MYO1H: variants seen among roughly 807,000 people sequenced by gnomAD.
The protein encoded by MYO1H is unconventional myosin-Ih.
Under a neutral mutation model 149.3 loss-of-function variants are expected in MYO1H, and 118 were observed. That is an observed-to-expected ratio of 0.79 (90% CI 0.68 to 0.92). The LOEUF (loss-of-function observed/expected upper bound fraction) is 0.92, where lower values mean the gene tolerates loss of function less well. Among genes scored for constraint, MYO1H ranks in the 40% least tolerant of loss-of-function variants. The pLI, the probability that MYO1H is intolerant of heterozygous loss-of-function variation, is 0.00. For missense variants in MYO1H, 1,212 were observed against 1,280.7 expected, an observed-to-expected ratio of 0.95 and a Z score of 0.82; for synonymous variants, 447 against 465.2, an observed-to-expected ratio of 0.96 and a Z score of 0.50.
intron 2 of MYO1H, among the ~76,000 whole-genome samples, chr12:109,392,730 G>A (rs1869708619): frequency 1.3e-5 from 2 of 151,616 alleles, no homozygotes; most frequent in South Asian, 4.2e-4. Context: ...AAAAGAAGAC[G>A]ACTTCCCCAT....
chr12:109,387,926 C>G (rs1217987042), intron 1 of MYO1H, among the ~76,000 whole-genome samples: 1 of 152,228 alleles, frequency 6.6e-6, no homozygotes, highest in African/African-American at 2.4e-5. Context: ...AAGGTCATGC[C>G]TGGTGCCTGC....
the MYO1H span, among the ~76,000 whole-genome samples, chr12:109,326,771 C>T: frequency 3.3e-5 from 5 of 151,970 alleles, no homozygotes; most frequent in Non-Finnish European, 5.9e-5. Flanking sequence ...TCATCCACCT[C>T]GGCCCCCAAA....
In MYO1H at chr12:109,409,907, T is replaced by TA. The variant is rs775284070; in HGVS notation, c.1224-49dup. The TA allele has an allele frequency of 6.2e-5, 65 of 1,043,038 alleles. No homozygotes were observed. The African/African-American group carries it at 7.5e-4, about 12-fold the overall frequency. 64.6% of individuals were successfully genotyped at this position (1,043,038 alleles called of 1,614,324 possible). ...ATGCCTAAAAAGAATATAATTTGTT[T>TA]AAAAAAATTGTTCTCTTCATATAAC... On this transcript the variant is annotated intron_variant, in intron 11 of 31. Coordinates refer to ENST00000310903, the Ensembl canonical transcript of MYO1H.
intron 21 of MYO1H, 86 bp downstream of exon 21, chr12:109,435,199 G>A: frequency 2.4e-6 from 2 of 845,348 alleles, no homozygotes; most frequent in Non-Finnish European, 3.8e-6. Context: ...ACGGGTGTTT[G>A]ATATAGTGTT....
chr12:109,339,181 A>G, the MYO1H span, among the ~76,000 whole-genome samples: 2 of 152,126 alleles, frequency 1.3e-5, no homozygotes, highest in African/African-American at 4.8e-5. Flanking sequence ...CCTGGCCAAC[A>G]TGGTGAAACA....
chr12:109,322,882 G>C, the MYO1H span, among the ~76,000 whole-genome samples: 5 of 150,596 alleles, frequency 3.3e-5, no homozygotes, highest in African/African-American at 4.9e-5. Flanking sequence ...GCCGAGGCAG[G>C]CAGATCACGA....
intron 19 of MYO1H, among the ~76,000 whole-genome samples, chr12:109,429,544 T>C (rs967873330): frequency 6.6e-6 from 1 of 152,228 alleles, no homozygotes; most frequent in African/African-American, 2.4e-5. Flanking sequence ...TGATTTAAAG[T>C]GTACAGGAAG....
the MYO1H span, among the ~76,000 whole-genome samples, chr12:109,338,765 CAAAAA>C: frequency 0.37 from 32,199 of 86,774 alleles, 4,112 homozygotes; most frequent in Middle Eastern, 0.44. Flanking sequence ...GACTCCATCT[CAAAAA>C]AAAAAAAAAA....
chr12:109,424,720 C>T (rs760214674), intron 16 of MYO1H, 28 bp from the exon 17 acceptor site: 2 of 1,585,020 alleles, frequency 1.3e-6, no homozygotes, highest in African/African-American at 1.3e-5. Context: ...AAACAGCGAA[C>T]GTGGTACTCA....
At chr12:109,412,659 G>A (rs1870724439) in intron 14 of MYO1H, among the ~76,000 whole-genome samples, 1 of 152,088 alleles carries the variant, frequency 6.6e-6, no homozygotes, top group African/African-American at 2.4e-5. Context: ...CAGATATAGA[G>A]TACCACATCC....
chr12:109,330,592 A>G, the MYO1H span, among the ~76,000 whole-genome samples: 1 of 152,112 alleles, frequency 6.6e-6, no homozygotes, highest in South Asian at 2.1e-4. Flanking sequence ...CCCCTGTCCC[A>G]ATTCGTATAT....
the MYO1H span, among the ~76,000 whole-genome samples, chr12:109,335,377 A>G: frequency 6.6e-6 from 1 of 152,112 alleles, no homozygotes; most frequent in African/African-American, 2.4e-5. Flanking sequence ...TGATGACAGC[A>G]CCAAGGGGGA....
chr12:109,400,738 A>G (rs1252041337), intron 5 of MYO1H, among the ~76,000 whole-genome samples: 2 of 152,216 alleles, frequency 1.3e-5, no homozygotes, highest in African/African-American at 4.8e-5. Flanking sequence ...AGAAAAGATC[A>G]TCTTTCCAAT....
chr12:109,340,613 A>G, the MYO1H span, among the ~76,000 whole-genome samples: 1 of 152,254 alleles, frequency 6.6e-6, no homozygotes, highest in East Asian at 1.9e-4. Flanking sequence ...AAAATCATAC[A>G]GTAAAAGAAA....
the MYO1H span, among the ~76,000 whole-genome samples, chr12:109,326,700 A>G: frequency 4.6e-5 from 7 of 151,544 alleles, no homozygotes; most frequent in Non-Finnish European, 7.4e-5. Flanking sequence ...TTGTATTTTT[A>G]GTAGACATGG....
chr12:109,379,703 A>T (rs1869160956), intron 1 of MYO1H, among the ~76,000 whole-genome samples: 1 of 152,078 alleles, frequency 6.6e-6, no homozygotes, highest in African/African-American at 2.4e-5. Flanking sequence ...TATATTTAAA[A>T]AAGAAACTGT....
At chr12:109,408,023 G>A in intron 10 of MYO1H, 110 bp downstream of exon 10, 6 of 1,360,196 alleles carry the variant, frequency 4.4e-6, no homozygotes, top group South Asian at 1.2e-5. Context: ...CGCCTCATGG[G>A]CAGAGATGGT....
chr12:109,364,468 G>A (rs1330635887), intron 1 of MYO1H, among the ~76,000 whole-genome samples: 1 of 152,050 alleles, frequency 6.6e-6, no homozygotes, highest in Non-Finnish European at 1.5e-5. Context: ...GGACTACTGG[G>A]CATGCACCAC....
upstream of MYO1H, among the ~76,000 whole-genome samples, chr12:109,343,685 C>T (rs1318492687): frequency 6.6e-6 from 1 of 152,064 alleles, no homozygotes; most frequent in Non-Finnish European, 1.5e-5. Context: ...ATTACATGCT[C>T]CCACTTGCAT....
Sources: gnomAD v4.1 joint callset for allele counts (sites outside exome capture counted in the v4.1 genomes callset) on GRCh38, gnomAD v4.1.1 for gene constraint, MANE v1.5 for transcripts, NCBI Gene and HGNC (gene_info 2026-07-23, HGNC 2026-07-21) for gene names.